JARID2: variants seen among roughly 807,000 people sequenced by gnomAD.
The protein encoded by JARID2 is jumonji and AT-rich interaction domain containing 2.
In JARID2, 21 loss-of-function variants were observed where a neutral mutation model predicts 125.6. That is an observed-to-expected ratio of 0.17 (90% confidence interval 0.12 to 0.24). The LOEUF is 0.24. Among genes scored for constraint, JARID2 ranks in the 10% least tolerant of loss-of-function variants. JARID2 has a pLI of 1.00. For missense variants in JARID2, 1,303 were observed against 1,639.6 expected (o/e 0.79, Z 3.55); for synonymous variants, 736 against 661.6 (o/e 1.11, Z -1.73).
intron 16 of JARID2, among the ~76,000 whole-genome samples, chr6:15,514,227 C>T (rs1771435502): frequency 1.3e-5 from 2 of 152,224 alleles, no homozygotes; most frequent in Admixed American, 6.5e-5. Flanking sequence ...AGAGAGCTGC[C>T]CTGACACACT....
At chr6:15,459,461 A>G (rs571494966) in intron 4 of JARID2, among the ~76,000 whole-genome samples, 7 of 152,362 alleles carry the variant, frequency 4.6e-5, no homozygotes, top group African/African-American at 1.7e-4. Context: ...TAGAGATGCA[A>G]CCGTCCCTTT....
Position 15,487,562 on chromosome 6 carries a change from C to T in JARID2, c.906+20C>T. On this transcript the variant is annotated intron_variant, in intron 6 of 17. Transcript: ENST00000341776. ...AAACAGGTAAAGTCCAGCAGGGGTG[C>T]CTACATGTGTGCCAGACCCCAGTTT... 3.8e-6 allele frequency: 6 copies of T among 1,558,682 alleles called. No homozygotes were observed. Among genetic ancestry groups the T allele is most frequent in the Non-Finnish European group, 5.2e-6 (6 of 1,145,460 alleles).
intron 16 of JARID2, among the ~76,000 whole-genome samples, chr6:15,516,338 C>A (rs1026158491): frequency 1.3e-5 from 2 of 152,242 alleles, no homozygotes; most frequent in African/African-American, 4.8e-5. Context: ...TAGAATAGGA[C>A]TTGGAGTCAG....
rs534881752 is a variant in JARID2 at position 15,359,966 on chromosome 6, C to T, written c.46-14151C>T. On this transcript the variant is annotated intron_variant, in intron 1 of 17. Coordinates refer to ENST00000341776, the MANE Select transcript of JARID2 (RefSeq NM_004973.4). The stretch of plus-strand genomic sequence containing the variant: ...CCTTCCAAAGTTTTGGGATTACAGG[C>T]GTGAGCCACCACGTCTGGCCGACTG... 4.6e-5 allele frequency among the ~76,000 whole-genome samples: 7 copies of T among 152,130 alleles called. No homozygotes were observed. The East Asian group carries it at 1.2e-3, about 25-fold the overall frequency.
chr6:15,323,910 T>C (rs934862182), intron 1 of JARID2, among the ~76,000 whole-genome samples: 22 of 150,736 alleles, frequency 1.5e-4, no homozygotes, highest in South Asian at 8.4e-4. Flanking sequence ...AGGCTGGGCG[T>C]GGTGGCTCAT....
chr6:15,512,507 G>C, intron 14 of JARID2, 117 bp downstream of exon 14: 1 of 964,704 alleles, frequency 1.0e-6, no homozygotes, highest in South Asian at 1.5e-5. Context: ...GTTCCTTTTG[G>C]AATATGTCTT....
chr6:15,255,138 CTTTTTTTTTT>C (rs753848936), intron 1 of JARID2, among the ~76,000 whole-genome samples: 2 of 121,198 alleles, frequency 1.7e-5, no homozygotes, highest in Non-Finnish European at 3.5e-5. Flanking sequence ...ACTAGGAATT[CTTTTTTTTTT>C]TTTTTTTTTT....
chr6:15,362,099 C>A (rs1385257821), intron 1 of JARID2, among the ~76,000 whole-genome samples: 2 of 151,876 alleles, frequency 1.3e-5, no homozygotes, highest in East Asian at 3.9e-4. Flanking sequence ...GTTGGTCAGG[C>A]TGGTCTTGAA....
intron 3 of JARID2, among the ~76,000 whole-genome samples, chr6:15,415,421 G>T (rs1442704988): frequency 6.7e-6 from 1 of 149,676 alleles, no homozygotes; most frequent in Non-Finnish European, 1.5e-5. Flanking sequence ...CCTCCCAGAC[G>T]GGGCGGCTGG....
chr6:15,331,078 C>T (rs1217348729), intron 1 of JARID2, among the ~76,000 whole-genome samples: 1 of 152,160 alleles, frequency 6.6e-6, no homozygotes, highest in Non-Finnish European at 1.5e-5. Flanking sequence ...ATAGCTCACA[C>T]CTGCAATCCT....
intron 1 of JARID2, among the ~76,000 whole-genome samples, chr6:15,316,087 C>T (rs1762171047): frequency 6.6e-6 from 1 of 151,956 alleles, no homozygotes; most frequent in Non-Finnish European, 1.5e-5. Flanking sequence ...GAAGTGGGGT[C>T]TGCTGGCTTG....
At chr6:15,400,906 T>C (rs1169685867) in intron 2 of JARID2, 1 of 1,288,616 alleles carries the variant, frequency 7.8e-7, no homozygotes, top group South Asian at 1.2e-5. Context: ...TCCCTCCCTC[T>C]GTCCTTCTTC....
intron 1 of JARID2, among the ~76,000 whole-genome samples, chr6:15,286,625 C>T (rs1021702618): frequency 4.0e-5 from 6 of 151,730 alleles, no homozygotes; most frequent in Admixed American, 3.9e-4. Flanking sequence ...CTTTGGGAGG[C>T]CGAGACGGGC....
chr6:15,501,216 C>T lies in JARID2; in HGVS notation c.2255C>T (p.Pro752Leu). Residue 752 changes from proline to leucine, a missense_variant, in exon 8 of 18, where the codon CCC (proline) becomes CTC (leucine). Pro to Leu is a moderately conservative substitution (Grantham distance 98, BLOSUM62 -3). Transcript: ENST00000341776. Reference sequence around the variant, plus strand: ...GACCACCACAAGTTCCACCCTCTGCCCCGCTTCGAGCCCAAGAATGGGCTC... The same window carrying T: ...GACCACCACAAGTTCCACCCTCTGCTCCGCTTCGAGCCCAAGAATGGGCTC... ...ENDHHKFHPL[P>L]RFEPKNGLIH... 1 of 1,613,920 alleles carries T rather than the reference C, an allele frequency of 6.2e-7. No individual in the cohort carries two copies. The highest frequency in any genetic ancestry group is 8.5e-7 in the Non-Finnish European group (1 of 1,179,834).
intron 2 of JARID2, among the ~76,000 whole-genome samples, chr6:15,391,794 A>C (rs1468515802): frequency 6.6e-6 from 1 of 152,184 alleles, no homozygotes; most frequent in African/African-American, 2.4e-5. Context: ...ATGTAAAACA[A>C]AACACTAGAT....
chr6:15,263,591 AT>A (rs763727930), intron 1 of JARID2, among the ~76,000 whole-genome samples: 1,845 of 131,588 alleles, frequency 0.014, 13 homozygotes, highest in African/African-American at 0.029. Context: ...GAGTCAGACA[AT>A]TTTTTTTTTT....
In JARID2 at chr6:15,496,772, A is replaced by G. The variant is rs1250844499; in HGVS notation, c.1547A>G (p.Lys516Arg). 25 of 1,613,150 alleles carry G rather than the reference A, an allele frequency of 1.5e-5. No homozygotes were observed. Among genetic ancestry groups the G allele is most frequent in the Non-Finnish European group, 2.1e-5 (25 of 1,179,732 alleles). The change falls in exon 7 of 18, where the codon AAG (lysine) becomes AGG (arginine). Residue 516 changes from lysine to arginine, a missense_variant. Around this residue, in one of 11 missense-constraint regions of JARID2, gnomAD observed 651 missense variants for 581.6 expected, o/e 1.12. Coordinates refer to ENST00000341776, the MANE Select transcript of JARID2 (RefSeq NM_004973.4). Reference sequence around the variant, plus strand: ...ACGCCAGGCAGACAAGCACATGGCAAGGCGGACAGCGCCTCCTGTGAAAAT... The same window carrying G: ...ACGCCAGGCAGACAAGCACATGGCAGGGCGGACAGCGCCTCCTGTGAAAAT... ...KSTPGRQAHGKADSASCENRS... is the reference protein window; with the variant it reads ...KSTPGRQAHGRADSASCENRS...
chr6:15,502,007 A>G (rs1349257603), intron 8 of JARID2, among the ~76,000 whole-genome samples: 1 of 152,134 alleles, frequency 6.6e-6, no homozygotes, highest in African/African-American at 2.4e-5. Flanking sequence ...CCTCACTGCC[A>G]GCCCAGCGTT....
rs376933008 is a variant in JARID2 at position 15,370,827 on chromosome 6, G to T, written c.46-3290G>T. Among the ~76,000 whole-genome samples, 7 of 152,272 alleles carry T rather than the reference G, an allele frequency of 4.6e-5. No individual in the cohort carries two copies. In the East Asian group the frequency reaches 1.3e-3, roughly 29 times the overall value. ...CTGGGATTCTGCTAGAGGATTATAAGGTAAGGATGATTCACCATGACCCTA... is the reference window on the plus strand; with the variant it reads ...CTGGGATTCTGCTAGAGGATTATAATGTAAGGATGATTCACCATGACCCTA... On this transcript the variant is annotated intron_variant, in intron 1 of 17. Transcript: ENST00000341776.
Sources: gnomAD v4.1 joint callset for allele counts (sites outside exome capture counted in the v4.1 genomes callset) on GRCh38, gnomAD v4.1.1 for gene constraint, gnomAD v4.1.1 regional missense constraint, MANE v1.5 for transcripts, NCBI Gene and HGNC (gene_info 2026-07-23, HGNC 2026-07-21) for gene names.